The following DAB2 variants were observed in gnomAD, a reference collection of about 807,000 sequenced individuals.
The protein encoded by DAB2 is disabled homolog 2.
A neutral mutation model predicts 71.6 loss-of-function variants in DAB2; 28 were observed. The observed-to-expected ratio is 0.39, with a 90% confidence interval of 0.29 to 0.54. DAB2 has a LOEUF of 0.54. DAB2 is among the 20% of genes least tolerant of loss of function. The pLI is 0.68. For synonymous variants in DAB2, 345 were observed against 339.7 expected (o/e 1.02, Z -0.17); for missense variants, 867 against 928.8 (o/e 0.93, Z 0.86).
intron 4 of DAB2, 97 bp downstream of exon 4, chr5:39,392,268 G>A: frequency 1.2e-6 from 1 of 844,726 alleles, no homozygotes. Context: ...GTTCCCCACA[G>A]AACTTTGAGA....
At chr5:39,396,438 T>G (rs1439627991) in intron 1 of DAB2, among the ~76,000 whole-genome samples, 1 of 152,190 alleles carries the variant, frequency 6.6e-6, no homozygotes, top group African/African-American at 2.4e-5. Context: ...GACTATAATC[T>G]CCTTGAATGT....
intron 11 of DAB2, among the ~76,000 whole-genome samples, chr5:39,377,693 G>T (rs1754865627): frequency 6.6e-6 from 1 of 152,196 alleles, no homozygotes; most frequent in African/African-American, 2.4e-5. Context: ...GAACCATGCT[G>T]ATTATGATGT....
intron 1 of DAB2, among the ~76,000 whole-genome samples, chr5:39,416,832 A>G (rs1755856495): frequency 6.6e-6 from 1 of 152,164 alleles, no homozygotes; most frequent in African/African-American, 2.4e-5. Flanking sequence ...GGCTCGACAC[A>G]GTCTGTTAAT....
rs759729043 is a variant in DAB2 at position 39,383,185 on chromosome 5, G to A, written c.774C>T (p.Asn258=). 70 of 1,613,832 alleles carry A rather than the reference G, an allele frequency of 4.3e-5. 1 individual carries two copies. Among genetic ancestry groups the A allele is most frequent in the Admixed American group, 4.3e-4 (26 of 59,992 alleles). ...GAGGAAGAGAACAGGAGGTGATGCC[G>A]TTTGTTAAGAATGGATTTTCTCTTA... ...NSLRENPFLT[N]GITSCSLPRP... Residue 258 remains asparagine (N), a synonymous_variant, in exon 10 of 15, where the codon AAC becomes AAT. Transcript: ENST00000320816.
intron 9 of DAB2, among the ~76,000 whole-genome samples, chr5:39,383,997 G>A (rs1755041044): frequency 6.6e-6 from 1 of 152,130 alleles, no homozygotes; most frequent in African/African-American, 2.4e-5. Flanking sequence ...TCTCTCCTCT[G>A]GGCTTACCCT....
intron 4 of DAB2, among the ~76,000 whole-genome samples, chr5:39,391,977 A>T (rs10547039): frequency 0.18 from 24,215 of 137,204 alleles, 2,151 homozygotes; most frequent in African/African-American, 0.19. Flanking sequence ...AAAAAAAAAA[A>T]AAAAATATAT....
At chr5:39,419,357 C>T (rs574534285) in intron 1 of DAB2, among the ~76,000 whole-genome samples, 5 of 152,288 alleles carry the variant, frequency 3.3e-5, no homozygotes, top group East Asian at 1.9e-4. Flanking sequence ...TTCAGATAAA[C>T]GCCAAGGTGC....
At chr5:39,421,647 C>G (rs1357480460) in intron 1 of DAB2, among the ~76,000 whole-genome samples, 1 of 152,180 alleles carries the variant, frequency 6.6e-6, no homozygotes, top group East Asian at 1.9e-4. Flanking sequence ...TGTTTTCTGT[C>G]TTTAAGTAAA....
intron 11 of DAB2, among the ~76,000 whole-genome samples, chr5:39,379,986 G>T (rs947375925): frequency 6.6e-6 from 1 of 152,188 alleles, no homozygotes; most frequent in Non-Finnish European, 1.5e-5. Context: ...GTATTTTCAG[G>T]CTGACTTGTT....
chr5:39,419,390 A>C (rs1755922564), intron 1 of DAB2, among the ~76,000 whole-genome samples: 1 of 152,194 alleles, frequency 6.6e-6, no homozygotes, highest in Non-Finnish European at 1.5e-5. Flanking sequence ...TTCATAATTG[A>C]ATCCTGGCTC....
intron 1 of DAB2, among the ~76,000 whole-genome samples, chr5:39,399,689 G>T (rs1475212024): frequency 7.9e-5 from 12 of 152,182 alleles, no homozygotes; most frequent in Admixed American, 7.9e-4. Flanking sequence ...TTCTGAGAAG[G>T]CTCTGAGAAA....
At chr5:39,377,388 C>T in intron 11 of DAB2, 106 bp from the exon 12 acceptor site, 1 of 1,147,938 alleles carries the variant, frequency 8.7e-7, no homozygotes, top group Non-Finnish European at 1.3e-6. Context: ...GCTAACACCT[C>T]CATTGAGCCC....
Position 39,372,257 on chromosome 5 carries a change from A to C in DAB2, c.*1174T>G, listed in dbSNP as rs1399714972. On this transcript the variant is annotated 3_prime_UTR_variant, in exon 15 of 15. Transcript: ENST00000320816. Reference sequence around the variant, plus strand: ...TTGCAGACATTAGATTTTCAATGGTAACCCCAAACATTTGTTCTACAGCTT... The same window carrying C: ...TTGCAGACATTAGATTTTCAATGGTCACCCCAAACATTTGTTCTACAGCTT... The C allele has an allele frequency of 2.0e-5, 3 of 152,222 alleles. No homozygotes were observed. The highest frequency in any genetic ancestry group is 4.4e-5 in the Non-Finnish European group (3 of 68,048). 9.4% of individuals were successfully genotyped at this position (152,222 alleles called of 1,614,324 possible). A position where few individuals can be genotyped will look rare whatever the true frequency, so the allele number is the denominator to read the frequency against.
intron 1 of DAB2, among the ~76,000 whole-genome samples, chr5:39,402,021 G>A (rs991421698): frequency 1.1e-4 from 17 of 152,134 alleles, no homozygotes; most frequent in Non-Finnish European, 7.4e-5. Flanking sequence ...GGTGGAAGGT[G>A]AAAGGCACGT....
chr5:39,383,513 G>A (rs1490552460), intron 9 of DAB2, among the ~76,000 whole-genome samples: 1 of 152,100 alleles, frequency 6.6e-6, no homozygotes, highest in Non-Finnish European at 1.5e-5. Flanking sequence ...CTCATTAGGT[G>A]AAATCTTACT....
At chr5:39,391,975 A>T (rs1206602912) in intron 4 of DAB2, among the ~76,000 whole-genome samples, 3,206 of 145,626 alleles carry the variant, frequency 0.022, 128 homozygotes, top group African/African-American at 0.076. Context: ...CAAAAAAAAA[A>T]AAAAAAATAT....
At chr5:39,381,315 G>C in intron 11 of DAB2, 139 bp downstream of exon 11, 1 of 795,280 alleles carries the variant, frequency 1.3e-6, no homozygotes. Context: ...TTGTATAGTA[G>C]AAGTGGGAGA....
intron 11 of DAB2, among the ~76,000 whole-genome samples, chr5:39,378,715 A>G (rs929427267): frequency 6.6e-6 from 1 of 152,100 alleles, no homozygotes; most frequent in African/African-American, 2.4e-5. Flanking sequence ...TAAAATTGGG[A>G]AGGTCATAGT....
intron 9 of DAB2, among the ~76,000 whole-genome samples, chr5:39,383,494 A>T (rs1167135587): frequency 6.6e-6 from 1 of 152,132 alleles, no homozygotes; most frequent in Non-Finnish European, 1.5e-5. Flanking sequence ...CTTTTATTTA[A>T]GTCTCAACCT....
Sources: allele counts gnomAD v4.1 joint callset (sites outside exome capture counted in the v4.1 genomes callset), GRCh38; gene constraint gnomAD v4.1.1; transcripts MANE v1.5; gene names NCBI Gene and HGNC (gene_info 2026-07-23, HGNC 2026-07-21).